THADA: variants seen among roughly 807,000 people sequenced by gnomAD.
The protein encoded by THADA is tRNA (32-2'-O)-methyltransferase regulator THADA.
In THADA, 213 loss-of-function variants were observed where a neutral mutation model predicts 219.8. The observed-to-expected ratio is 0.97, with a 90% CI of 0.87 to 1.09. The LOEUF (loss-of-function observed/expected upper bound fraction) is 1.09, where lower values mean the gene tolerates loss of function less well. Ranked by LOEUF, THADA falls within the 50% of genes least tolerant of loss-of-function variation. THADA has a pLI of 0.00. For missense variants in THADA, 2,956 were observed against 2,311.3 expected, an observed-to-expected ratio of 1.28 and a Z score of -5.72; for synonymous variants, 1,018 against 828.9, an observed-to-expected ratio of 1.23 and a Z score of -3.92.
intron 26 of THADA, among the ~76,000 whole-genome samples, chr2:43,468,853 A>G (rs1413630796): frequency 2.6e-5 from 4 of 152,176 alleles, no homozygotes; most frequent in African/African-American, 9.7e-5. Context: ...AGCAGATACT[A>G]TTACCATCCC....
At chr2:43,592,081 T>A in intron 2 of THADA, 35 bp from the exon 3 acceptor site, 1 of 1,477,062 alleles carries the variant, frequency 6.8e-7, no homozygotes, top group Admixed American at 2.4e-5. Context: ...TTTTCAATGA[T>A]TTAACAGTGA....
intron 29 of THADA, among the ~76,000 whole-genome samples, chr2:43,376,019 A>G (rs1238277275): frequency 6.6e-6 from 1 of 152,204 alleles, no homozygotes; most frequent in Non-Finnish European, 1.5e-5. Flanking sequence ...CCAGATAAAC[A>G]TTGTGAAACC....
At chr2:43,487,214 G>A (rs2105019182) in intron 25 of THADA, among the ~76,000 whole-genome samples, 1 of 152,042 alleles carries the variant, frequency 6.6e-6, no homozygotes, top group East Asian at 1.9e-4. Flanking sequence ...AGTTCCCAAA[G>A]ACTTTTAGGT....
At chr2:43,504,994 G>T (rs539357632) in intron 24 of THADA, among the ~76,000 whole-genome samples, 1 of 152,286 alleles carries the variant, frequency 6.6e-6, no homozygotes, top group South Asian at 2.1e-4. Context: ...ACTCCCTAGT[G>T]GTGAAGTGGA....
At chr2:43,591,899 T>A (rs1701620916) in intron 3 of THADA, 53 bp downstream of exon 3, 4 of 1,233,960 alleles carry the variant, frequency 3.2e-6, no homozygotes, top group Non-Finnish European at 4.3e-6. Flanking sequence ...TTTTAAATCC[T>A]TAATAGCATG....
Position 43,320,478 on chromosome 2 carries a change from C to G in THADA, c.4406G>C (p.Cys1469Ser). Reference protein sequence around the residue: ...YIDILFLLTCCLNRSAKDNQP... With the variant: ...YIDILFLLTCSLNRSAKDNQP... ...GTTGTCCTTTGCAGATCTGTTGAGG[C>G]AGCAAGTCAATAGGAAGAGAATATC... The change falls in exon 31 of 38, where the codon TGC (cysteine) becomes TCC (serine). Residue 1469 changes from cysteine to serine, a missense_variant. Transcript: ENST00000405975. 6.2e-7 allele frequency: 1 copy of G among 1,613,490 alleles called. No individual in the cohort carries two copies. Among genetic ancestry groups the G allele is most frequent in the South Asian group, 1.1e-5 (1 of 91,000 alleles).
rs542691474 is a variant in THADA, at chr2:43,349,613, T to A, written c.4228-5376A>T. Among the ~76,000 whole-genome samples, 4 of 152,026 alleles carry A rather than the reference T, an allele frequency of 2.6e-5. No individual in the cohort carries two copies. In the South Asian group the frequency reaches 8.3e-4, roughly 32 times the overall value. On this transcript the variant is annotated intron_variant, in intron 29 of 37. Coordinates refer to ENST00000405975, the MANE Select transcript of THADA (RefSeq NM_022065.5). Reference sequence around the variant, plus strand: ...CCAGGCAATTTTCCCCCTTATAAAATCAACAGCAGCTGAGCTCCAGAAACC... The same window carrying A: ...CCAGGCAATTTTCCCCCTTATAAAAACAACAGCAGCTGAGCTCCAGAAACC...
In THADA at chr2:43,442,399, G is replaced by A. The variant is rs561062110; in HGVS notation, c.3837-12097C>T. Among the ~76,000 whole-genome samples, 75 of 152,244 alleles carry A rather than the reference G, an allele frequency of 4.9e-4. 1 individual carries two copies. The highest frequency in any genetic ancestry group is 3.4e-3 in the Middle Eastern group (1 of 294). On this transcript the variant is annotated intron_variant, in intron 26 of 37. Transcript: ENST00000405975. ...TGCAGTGAGCCAAGATCACACCACT[G>A]CACTCCAGCCTGGGTGAGCGACAGA...
intron 36 of THADA, among the ~76,000 whole-genome samples, chr2:43,238,015 A>C (rs1417504400): frequency 6.9e-6 from 1 of 145,402 alleles, no homozygotes; most frequent in Non-Finnish European, 1.5e-5. Context: ...GCTACTTGGG[A>C]GGCTGAGGCA....
chr2:43,245,325 A>T (rs922506016), intron 36 of THADA, among the ~76,000 whole-genome samples: 5 of 150,646 alleles, frequency 3.3e-5, no homozygotes, highest in Non-Finnish European at 7.4e-5. Flanking sequence ...GGCACATACC[A>T]CCACGCCTGG....
At chr2:43,335,225 A>G (rs1666275489) in intron 30 of THADA, among the ~76,000 whole-genome samples, 1 of 152,198 alleles carries the variant, frequency 6.6e-6, no homozygotes, top group Non-Finnish European at 1.5e-5. Flanking sequence ...GTTCTAGAGA[A>G]GGCTTAAATT....
chr2:43,233,018 G>A, intron 36 of THADA, 136 bp from the exon 37 acceptor site: 1 of 865,942 alleles, frequency 1.2e-6, no homozygotes, highest in Non-Finnish European at 1.8e-6. Flanking sequence ...CTGGTAGGGT[G>A]GGCTCACTGG....
chr2:43,585,297 C>G (rs973393363), intron 7 of THADA, among the ~76,000 whole-genome samples: 1 of 149,182 alleles, frequency 6.7e-6, no homozygotes, highest in African/African-American at 2.5e-5. Flanking sequence ...ATCACTTGAG[C>G]CAATGAGTTC....
intron 34 of THADA, among the ~76,000 whole-genome samples, chr2:43,290,083 C>G (rs913347546): frequency 1.4e-5 from 2 of 146,990 alleles, no homozygotes; most frequent in African/African-American, 5.0e-5. Flanking sequence ...TCAAGCAATT[C>G]TGCCTCAGCC....
intron 36 of THADA, among the ~76,000 whole-genome samples, chr2:43,252,886 T>C (rs939677962): frequency 1.3e-5 from 2 of 152,220 alleles, no homozygotes; most frequent in East Asian, 3.8e-4. Flanking sequence ...GGAATCTCCA[T>C]GTCCTCTGGT....
chr2:43,417,011 C>T (rs980366747), intron 28 of THADA, among the ~76,000 whole-genome samples: 13 of 147,486 alleles, frequency 8.8e-5, no homozygotes, highest in East Asian at 3.9e-4. Flanking sequence ...AGTTTCAACA[C>T]GAATTGATAT....
At chr2:43,252,401 A>G (rs1012895236) in intron 36 of THADA, among the ~76,000 whole-genome samples, 4 of 152,224 alleles carry the variant, frequency 2.6e-5, no homozygotes, top group African/African-American at 9.6e-5. Context: ...GCAAGGCACT[A>G]TCATATGTAC....
chr2:43,556,251 A>T, intron 17 of THADA, 94 bp downstream of exon 17: 1 of 1,526,116 alleles, frequency 6.6e-7, no homozygotes, highest in South Asian at 1.3e-5. Flanking sequence ...TAAATAAAAA[A>T]CCACAAAATA....
chr2:43,560,062 T>C (rs1697866634), intron 16 of THADA, among the ~76,000 whole-genome samples, 172 bp downstream of exon 16: 1 of 152,206 alleles, frequency 6.6e-6, no homozygotes, highest in South Asian at 2.1e-4. Flanking sequence ...TGATATTTCC[T>C]CCTTTCCCAC....
Sources: allele counts gnomAD v4.1 joint callset (sites outside exome capture counted in the v4.1 genomes callset), GRCh38; gene constraint gnomAD v4.1.1; transcripts MANE v1.5; gene names NCBI Gene and HGNC (gene_info 2026-07-23, HGNC 2026-07-21).